MGAT4C: variants seen among roughly 807,000 people sequenced by gnomAD.
The protein encoded by MGAT4C is MGAT4 family member C.
In MGAT4C, 19 loss-of-function variants were observed where a neutral mutation model predicts 40.1. The ratio of observed to expected loss-of-function variants is 0.47; its 90% CI spans 0.33 to 0.70. MGAT4C has a LOEUF of 0.70. Among genes scored for constraint, MGAT4C ranks in the 30% least tolerant of loss-of-function variants. The probability of loss-of-function intolerance (pLI) is 0.02; values close to 1 mark genes in which losing one functional copy is unlikely to be tolerated. For missense variants in MGAT4C, 491 were observed against 563.2 expected, an observed-to-expected ratio of 0.87 and a Z score of 1.30; for synonymous variants, 181 against 187.1, an observed-to-expected ratio of 0.97 and a Z score of 0.27.
At chr12:86,301,229 G>T (rs1029825149) in intron 4 of MGAT4C, among the ~76,000 whole-genome samples, 1 of 152,240 alleles carries the variant, frequency 6.6e-6, no homozygotes, top group Middle Eastern at 3.4e-3. Flanking sequence ...CTTTGTAACT[G>T]AAAGAGTCTT....
intron 1 of MGAT4C, among the ~76,000 whole-genome samples, chr12:86,203,729 G>T (rs551408480): frequency 1.3e-5 from 2 of 151,690 alleles, no homozygotes; most frequent in Admixed American, 1.3e-4. Context: ...AGGTTGAGGC[G>T]GGCGGATCAC....
chr12:86,292,838 GT>G (rs78014269), intron 4 of MGAT4C, among the ~76,000 whole-genome samples: 18,042 of 139,572 alleles, frequency 0.13, 1,142 homozygotes, highest in Middle Eastern at 0.26. Flanking sequence ...AGAAATGACT[GT>G]TTTTTTTTTT....
At chr12:86,587,704 G>A (rs1025860429) in intron 2 of MGAT4C, among the ~76,000 whole-genome samples, 1 of 151,730 alleles carries the variant, frequency 6.6e-6, no homozygotes, top group African/African-American at 2.4e-5. Context: ...TATTCTCTTT[G>A]AAGCAATTGT....
chr12:86,358,264 C>T (rs1016038321), intron 3 of MGAT4C, among the ~76,000 whole-genome samples: 3 of 152,154 alleles, frequency 2.0e-5, no homozygotes, highest in African/African-American at 4.8e-5. Context: ...AAATACTTTA[C>T]AGACAAGTAA....
At chr12:86,731,893 T>C (rs540238174) in intron 1 of MGAT4C, among the ~76,000 whole-genome samples, 1 of 152,256 alleles carries the variant, frequency 6.6e-6, no homozygotes, top group Non-Finnish European at 1.5e-5. Context: ...GCATTACTTT[T>C]TTCCCCCTTC....
At chr12:86,063,750 C>T (rs1397210895) in intron 1 of MGAT4C, among the ~76,000 whole-genome samples, 1 of 152,156 alleles carries the variant, frequency 6.6e-6, no homozygotes, top group East Asian at 1.9e-4. Flanking sequence ...CGGTTGCAAT[C>T]CTTGTCTCTG....
intron 2 of MGAT4C, among the ~76,000 whole-genome samples, chr12:86,502,664 C>T (rs1364364824): frequency 4.1e-5 from 6 of 146,040 alleles, no homozygotes; most frequent in African/African-American, 9.9e-5. Context: ...GATTTCTGCT[C>T]ATATATATAC....
chr12:86,331,753 G>A (rs1954673915), intron 4 of MGAT4C, among the ~76,000 whole-genome samples: 1 of 152,190 alleles, frequency 6.6e-6, no homozygotes, highest in South Asian at 2.1e-4. Context: ...GTAACATGTG[G>A]AGCAGAGGAA....
intron 2 of MGAT4C, among the ~76,000 whole-genome samples, chr12:86,450,796 C>T (rs147012729): frequency 2.6e-5 from 4 of 151,886 alleles, no homozygotes; most frequent in East Asian, 1.9e-4. Flanking sequence ...TGACTATACA[C>T]GTAATACATA....
chr12:86,646,399 T>C (rs1963544560), intron 2 of MGAT4C, among the ~76,000 whole-genome samples: 1 of 151,930 alleles, frequency 6.6e-6, no homozygotes, highest in Non-Finnish European at 1.5e-5. Context: ...AAATAAGATG[T>C]ATAATGTTGT....
At chr12:86,515,658 G>A (rs375799511) in intron 2 of MGAT4C, among the ~76,000 whole-genome samples, 3 of 150,070 alleles carry the variant, frequency 2.0e-5, no homozygotes, top group African/African-American at 7.3e-5. Context: ...AAGACATAAA[G>A]AAAACAGCAT....
chr12:86,536,670 G>A (rs79567315), intron 2 of MGAT4C, among the ~76,000 whole-genome samples: 4,167 of 152,246 alleles, frequency 0.027, 157 homozygotes, highest in African/African-American at 0.087. Flanking sequence ...AAGCAGAAAA[G>A]ATTGTGATTC....
At chr12:86,534,049 T>A (rs986487681) in intron 2 of MGAT4C, among the ~76,000 whole-genome samples, 1 of 152,088 alleles carries the variant, frequency 6.6e-6, no homozygotes, top group Non-Finnish European at 1.5e-5. Flanking sequence ...TATATTGAAA[T>A]GGCCTCACAA....
At chr12:86,497,509 G>A (rs1958258671) in intron 2 of MGAT4C, among the ~76,000 whole-genome samples, 1 of 151,782 alleles carries the variant, frequency 6.6e-6, no homozygotes, top group Non-Finnish European at 1.5e-5. Flanking sequence ...CTCTTTACCA[G>A]AAATGGATTT....
At chr12:86,206,947 T>C (rs1171396083) in intron 1 of MGAT4C, among the ~76,000 whole-genome samples, 1 of 152,170 alleles carries the variant, frequency 6.6e-6, no homozygotes, top group Admixed American at 6.5e-5. Context: ...ATATGCCAGG[T>C]ACTTTTCCAT....
At chr12:86,010,707 A>C (rs1245703901) in intron 2 of MGAT4C, among the ~76,000 whole-genome samples, 1 of 150,654 alleles carries the variant, frequency 6.6e-6, no homozygotes, top group Non-Finnish European at 1.5e-5. Context: ...CAAACAAACA[A>C]ACACACAAAA....
chr12:86,180,701 T>C (rs1888018163), intron 1 of MGAT4C, among the ~76,000 whole-genome samples: 1 of 152,192 alleles, frequency 6.6e-6, no homozygotes, highest in African/African-American at 2.4e-5. Flanking sequence ...CTTTGGCCAA[T>C]TTCTCCTATT....
At chr12:86,632,268 T>G (rs1014738354) in intron 2 of MGAT4C, among the ~76,000 whole-genome samples, 8 of 151,952 alleles carry the variant, frequency 5.3e-5, no homozygotes, top group Non-Finnish European at 8.8e-5. Context: ...AGGTGCTGGA[T>G]AGGATGTAGA....
chr12:86,012,999 T>C (rs28709950), intron 2 of MGAT4C, among the ~76,000 whole-genome samples: 29,771 of 150,788 alleles, frequency 0.2, 3,652 homozygotes, highest in Non-Finnish European at 0.28. Context: ...CGGTGGCACA[T>C]GCCTGTGGTC....
Sources: allele counts gnomAD v4.1 joint callset (sites outside exome capture counted in the v4.1 genomes callset), GRCh38; gene constraint gnomAD v4.1.1; transcripts MANE v1.5; gene names NCBI Gene and HGNC (gene_info 2026-07-23, HGNC 2026-07-21).